PCBP3: variants seen among roughly 807,000 people sequenced by gnomAD.
PCBP3 encodes poly(rC)-binding protein 3.
Under a neutral mutation model 52.7 loss-of-function variants are expected in PCBP3, and 25 were observed. That is an observed-to-expected ratio of 0.47 (90% confidence interval 0.35 to 0.66). The LOEUF is 0.66. Ranked by LOEUF, PCBP3 falls within the 30% of genes least tolerant of loss-of-function variation. The pLI is 0.01. For synonymous variants in PCBP3, 162 were observed against 183.0 expected, an observed-to-expected ratio of 0.89 and a Z score of 0.93; for missense variants, 391 against 490.3, an observed-to-expected ratio of 0.80 and a Z score of 1.91.
intron 12 of PCBP3, chr21:45,914,313 T>C (rs1049027970): frequency 1.7e-4 from 88 of 517,666 alleles, no homozygotes; most frequent in African/African-American, 1.5e-3. Flanking sequence ...TGGGTGTTTT[T>C]AGGAAGCTTA....
chr21:45,646,017 G>T (rs2079225616), intron 1 of PCBP3, among the ~76,000 whole-genome samples: 1 of 151,178 alleles, frequency 6.6e-6, no homozygotes, highest in Non-Finnish European at 1.5e-5. Flanking sequence ...GGCGTCATGG[G>T]CCCGCTGTCC....
chr21:45,741,035 G>A lies in PCBP3; in HGVS notation c.-162+5606G>A, dbSNP rs1372974014. 6.6e-6 allele frequency among the ~76,000 whole-genome samples: 1 copy of A among 152,154 alleles called. No individual in the cohort carries two copies. Among genetic ancestry groups the A allele is most frequent in the Admixed American group, 6.5e-5 (1 of 15,280 alleles). ...CCTGCGGTGGGGGACTGTCCTAAACGGAAAGCAGGGCACGGGATGGCTTCA... is the reference window on the plus strand; with the variant it reads ...CCTGCGGTGGGGGACTGTCCTAAACAGAAAGCAGGGCACGGGATGGCTTCA... On this transcript the variant is annotated intron_variant, in intron 3 of 17. Coordinates refer to ENST00000681687, the MANE Select transcript of PCBP3 (RefSeq NM_001384156.1). The surrounding 1 kb of genome is among the most constrained non-coding windows in gnomAD (Gnocchi z 4.5).
chr21:45,880,542 G>T lies in PCBP3; in HGVS notation c.11-15666G>T, dbSNP rs998115303. 3.3e-5 allele frequency among the ~76,000 whole-genome samples: 5 copies of T among 152,216 alleles called. No homozygotes were observed. The highest frequency in any genetic ancestry group is 1.2e-4 in the African/African-American group (5 of 41,452). On this transcript the variant is annotated intron_variant, in intron 5 of 17. Coordinates refer to ENST00000681687, the MANE Select transcript of PCBP3 (RefSeq NM_001384156.1). This position sits in a 1 kb window ranked among gnomAD's most constrained non-coding sequence, Gnocchi z 5.4. Reference sequence around the variant, plus strand: ...CCACGAGGCCGTGGAAATTGAGCTGGGCTCAGTGCTCATGGTGTGAATCTG... The same window carrying T: ...CCACGAGGCCGTGGAAATTGAGCTGTGCTCAGTGCTCATGGTGTGAATCTG...
chr21:45,792,411 G>A (rs1463102153), intron 4 of PCBP3, among the ~76,000 whole-genome samples: 1 of 152,230 alleles, frequency 6.6e-6, no homozygotes, highest in African/African-American at 2.4e-5. Context: ...GCCCCTCTGG[G>A]ATAAGAGGTT....
Position 45,785,328 on chromosome 21 carries a change from G to A in PCBP3, c.-126+29876G>A, listed in dbSNP as rs569859571. On this transcript the variant is annotated intron_variant, in intron 4 of 17. Coordinates refer to ENST00000681687, the MANE Select transcript of PCBP3 (RefSeq NM_001384156.1). ...CCCCGCCCGGCCAGCCGCCCCGTCC[G>A]GGAGGGAGGTGGGGGGGTCAGCCCC... Among the ~76,000 whole-genome samples, 4 of 150,396 alleles carry A rather than the reference G, an allele frequency of 2.7e-5. No homozygotes were observed. The South Asian group carries it at 6.3e-4, about 24-fold the overall frequency.
intron 2 of PCBP3, among the ~76,000 whole-genome samples, chr21:45,699,886 T>A (rs2083003910): frequency 6.6e-6 from 1 of 152,146 alleles, no homozygotes; most frequent in South Asian, 2.1e-4. Flanking sequence ...GAGATTTGGG[T>A]GGGGACACAG....
chr21:45,871,633 C>T (rs1277037915), intron 5 of PCBP3: 1 of 152,336 alleles, frequency 6.6e-6, no homozygotes, highest in African/African-American at 2.4e-5. Flanking sequence ...GTCCCTGAGC[C>T]TAACCGGGCC....
chr21:45,764,907 G>T (rs569408817), intron 4 of PCBP3, among the ~76,000 whole-genome samples: 3 of 152,184 alleles, frequency 2.0e-5, no homozygotes, highest in Non-Finnish European at 2.9e-5. Context: ...CTCTTGGAAG[G>T]GGGGAGGTCT....
intron 4 of PCBP3, among the ~76,000 whole-genome samples, chr21:45,842,302 C>T (rs1020184428): frequency 6.6e-6 from 1 of 152,246 alleles, no homozygotes; most frequent in Non-Finnish European, 1.5e-5. Context: ...AGGATATTCA[C>T]CTAGATTCCC....
intron 4 of PCBP3, among the ~76,000 whole-genome samples, chr21:45,822,556 G>A (rs1336052660): frequency 6.6e-6 from 1 of 151,758 alleles, no homozygotes; most frequent in Non-Finnish European, 1.5e-5. Context: ...AGAGCAAGGG[G>A]TGGACCTGGC....
chr21:45,732,436 A>G (rs1013331178), intron 2 of PCBP3, among the ~76,000 whole-genome samples: 1 of 151,920 alleles, frequency 6.6e-6, no homozygotes, highest in African/African-American at 2.4e-5. Context: ...TTCTGTGGCA[A>G]GAGCAGCAAA....
chr21:45,868,411 C>CT (rs1232045625), intron 5 of PCBP3, among the ~76,000 whole-genome samples: 8,189 of 113,508 alleles, frequency 0.072, 329 homozygotes, highest in East Asian at 0.13. Flanking sequence ...CTTATTTGTT[C>CT]TTTTTTTTTT....
At chr21:45,878,784 C>T (rs549319072) in intron 5 of PCBP3, among the ~76,000 whole-genome samples, 3 of 152,288 alleles carry the variant, frequency 2.0e-5, no homozygotes, top group East Asian at 1.9e-4. Context: ...ACTCGACGTC[C>T]GTACTCAGCA....
intron 5 of PCBP3, among the ~76,000 whole-genome samples, chr21:45,851,592 T>C (rs2094005817): frequency 6.6e-6 from 1 of 151,234 alleles, no homozygotes; most frequent in Non-Finnish European, 1.5e-5. Context: ...AGTGAATAAA[T>C]AAATAAAAAT....
intron 1 of PCBP3, among the ~76,000 whole-genome samples, chr21:45,648,803 T>G (rs959857196): frequency 1.3e-5 from 2 of 152,244 alleles, no homozygotes; most frequent in African/African-American, 2.4e-5. Flanking sequence ...AAAATTGTAT[T>G]CTTATATTGT....
intron 2 of PCBP3, among the ~76,000 whole-genome samples, chr21:45,715,521 T>G (rs1376654707): frequency 6.6e-6 from 1 of 152,184 alleles, no homozygotes; most frequent in Non-Finnish European, 1.5e-5. Flanking sequence ...TCACTCTCCA[T>G]TCTTTCCTTC....
intron 2 of PCBP3, among the ~76,000 whole-genome samples, chr21:45,725,645 G>A (rs1351019379): frequency 6.6e-6 from 1 of 152,206 alleles, no homozygotes; most frequent in Non-Finnish European, 1.5e-5. Context: ...ATTTCTGGTG[G>A]GTGGAGGGAG....
At chr21:45,922,181 C>T (rs187740093) in intron 13 of PCBP3, among the ~76,000 whole-genome samples, 75 of 152,312 alleles carry the variant, frequency 4.9e-4, no homozygotes, top group African/African-American at 1.8e-3. Context: ...TCACCCAGCA[C>T]GTCTGCACCT....
chr21:45,851,720 C>G (rs2094013667), intron 5 of PCBP3, among the ~76,000 whole-genome samples: 1 of 152,052 alleles, frequency 6.6e-6, no homozygotes. Flanking sequence ...CATTTGAAAA[C>G]ATAGGTGAAA....
Sources: allele counts gnomAD v4.1 joint callset (sites outside exome capture counted in the v4.1 genomes callset), GRCh38; gene constraint gnomAD v4.1.1; non-coding constraint Gnocchi (gnomAD v3.1); transcripts MANE v1.5; gene names NCBI Gene and HGNC (gene_info 2026-07-23, HGNC 2026-07-21).